Variants in MSRA observed in about 807,000 individuals in gnomAD.
MSRA encodes mitochondrial peptide methionine sulfoxide reductase.
MSRA carries 54 observed loss-of-function variants against 31.3 expected under a neutral mutation model. That is an observed-to-expected ratio of 1.73 (90% CI 1.39 to 2.17). The LOEUF (loss-of-function observed/expected upper bound fraction) is 2.17. MSRA is among the 30% of genes most tolerant of loss of function. The pLI, the probability that MSRA is intolerant of heterozygous loss-of-function variation, is 0.00. For synonymous variants in MSRA, 169 were observed against 116.5 expected, an observed-to-expected ratio of 1.45 and a Z score of -2.90; for missense variants, 507 against 300.9, an observed-to-expected ratio of 1.69 and a Z score of -5.07.
chr8:10,108,443 C>T (rs1329756805), intron 1 of MSRA, among the ~76,000 whole-genome samples: 1 of 152,234 alleles, frequency 6.6e-6, no homozygotes. Context: ...CTGCCAGTTA[C>T]AGTCCTTGCG....
At chr8:10,340,767 G>C (rs1252261152) in intron 5 of MSRA, among the ~76,000 whole-genome samples, 1 of 152,364 alleles carries the variant, frequency 6.6e-6, no homozygotes, top group East Asian at 1.9e-4. Context: ...CCGTATTCAA[G>C]GGAGGGGATG....
At chr8:10,416,276 C>T (rs1808453540) in intron 5 of MSRA, among the ~76,000 whole-genome samples, 1 of 152,234 alleles carries the variant, frequency 6.6e-6, no homozygotes, top group South Asian at 2.1e-4. Context: ...GAGATTCATT[C>T]ATGAAGTGAA....
chr8:10,105,073 C>A (rs1799794433), intron 1 of MSRA, among the ~76,000 whole-genome samples: 1 of 152,100 alleles, frequency 6.6e-6, no homozygotes, highest in Admixed American at 6.5e-5. Flanking sequence ...TTTAGATTTC[C>A]TTTTCTGTGC....
intron 1 of MSRA, among the ~76,000 whole-genome samples, chr8:10,065,548 A>G (rs995018815): frequency 4.6e-5 from 7 of 152,192 alleles, no homozygotes; most frequent in Non-Finnish European, 1.5e-5. Flanking sequence ...ACCTGACTTA[A>G]GCTATGTGAA....
chr8:10,228,340 G>A (rs1387173501), intron 2 of MSRA, among the ~76,000 whole-genome samples: 5 of 152,188 alleles, frequency 3.3e-5, no homozygotes, highest in African/African-American at 1.2e-4. Context: ...GCTGCATGTG[G>A]TTTGCTGTTT....
chr8:10,192,995 T>A (rs1349547867), intron 1 of MSRA, among the ~76,000 whole-genome samples: 1 of 152,236 alleles, frequency 6.6e-6, no homozygotes, highest in African/African-American at 2.4e-5. Flanking sequence ...AACAATAGTT[T>A]ACATTTTGAG....
chr8:10,301,957 C>G (rs985303265), intron 4 of MSRA, among the ~76,000 whole-genome samples: 2 of 152,160 alleles, frequency 1.3e-5, no homozygotes, highest in Non-Finnish European at 2.9e-5. Flanking sequence ...CTTTTGTCTA[C>G]AAAATTAAAG....
chr8:10,173,083 C>T (rs927403328), intron 1 of MSRA, among the ~76,000 whole-genome samples: 1 of 152,196 alleles, frequency 6.6e-6, no homozygotes, highest in Non-Finnish European at 1.5e-5. Flanking sequence ...TTCTGGAGGG[C>T]CACCTTTTTC....
intron 4 of MSRA, among the ~76,000 whole-genome samples, chr8:10,315,992 G>C (rs546960099): frequency 8.5e-5 from 13 of 152,196 alleles, no homozygotes; most frequent in Non-Finnish European, 1.8e-4. Context: ...GACTATAGAA[G>C]TAATGTGTAC....
intron 5 of MSRA, among the ~76,000 whole-genome samples, chr8:10,426,384 G>C (rs913996273): frequency 1.3e-5 from 2 of 152,200 alleles, no homozygotes; most frequent in African/African-American, 4.8e-5. Flanking sequence ...CAAGATTTCA[G>C]GATACCAAGA....
intron 1 of MSRA, among the ~76,000 whole-genome samples, chr8:10,119,757 C>T (rs1800970108): frequency 6.6e-6 from 1 of 152,076 alleles, no homozygotes; most frequent in African/African-American, 2.4e-5. Flanking sequence ...GAGTAGAGTA[C>T]TGAGAACAAT....
intron 1 of MSRA, among the ~76,000 whole-genome samples, chr8:10,125,999 A>G (rs1328683806): frequency 1.3e-5 from 2 of 152,218 alleles, no homozygotes; most frequent in African/African-American, 2.4e-5. Flanking sequence ...CTCCTACAGA[A>G]CTCAGCCAAC....
At chr8:10,326,848 A>C (rs1297039180) in intron 5 of MSRA, among the ~76,000 whole-genome samples, 1 of 152,222 alleles carries the variant, frequency 6.6e-6, no homozygotes, top group Non-Finnish European at 1.5e-5. Flanking sequence ...CCAGTATCCT[A>C]AACTGAATGT....
At chr8:10,240,572 C>G (rs986867359) in intron 2 of MSRA, among the ~76,000 whole-genome samples, 1 of 152,164 alleles carries the variant, frequency 6.6e-6, no homozygotes, top group African/African-American at 2.4e-5. Flanking sequence ...ACCTATGTCT[C>G]TCTACCCCAG....
At chr8:10,212,756 T>C (rs1173886176) in intron 2 of MSRA, among the ~76,000 whole-genome samples, 1 of 152,160 alleles carries the variant, frequency 6.6e-6, no homozygotes, top group Non-Finnish European at 1.5e-5. Context: ...CCTTAACCAG[T>C]TTGGAGGTGG....
At chr8:10,302,413 C>A (rs759601968) in intron 4 of MSRA, among the ~76,000 whole-genome samples, 2 of 152,218 alleles carry the variant, frequency 1.3e-5, no homozygotes, top group Non-Finnish European at 2.9e-5. Flanking sequence ...TTTTCACAAA[C>A]CCTCTTCATT....
At chr8:10,147,789 C>T (rs970271111) in intron 1 of MSRA, among the ~76,000 whole-genome samples, 1 of 152,340 alleles carries the variant, frequency 6.6e-6, no homozygotes. Flanking sequence ...GCACCCCCCA[C>T]GTCCCAGGGG....
intron 1 of MSRA, among the ~76,000 whole-genome samples, chr8:10,182,418 G>T (rs748017422): frequency 3.3e-5 from 5 of 152,180 alleles, no homozygotes; most frequent in Non-Finnish European, 7.3e-5. Flanking sequence ...ACACAGCTCA[G>T]CTGGGTCCTC....
At chr8:10,341,176 A>G (rs1218191752) in intron 5 of MSRA, among the ~76,000 whole-genome samples, 2 of 152,192 alleles carry the variant, frequency 1.3e-5, no homozygotes, top group Non-Finnish European at 2.9e-5. Context: ...AATACCTGAG[A>G]CTGAGTAATT....
Sources: gnomAD v4.1 joint callset for allele counts (sites outside exome capture counted in the v4.1 genomes callset) on GRCh38, gnomAD v4.1.1 for gene constraint, MANE v1.5 for transcripts, NCBI Gene and HGNC (gene_info 2026-07-23, HGNC 2026-07-21) for gene names.